The following HNRNPLL variants were observed in gnomAD, a reference collection of about 807,000 sequenced individuals.
HNRNPLL encodes the protein heterogeneous nuclear ribonucleoprotein L like, also known as heterogeneous nuclear ribonucleoprotein L-like.
Under a neutral mutation model 67.1 loss-of-function variants are expected in HNRNPLL, and 25 were observed. The observed-to-expected ratio is 0.37, with a 90% CI of 0.27 to 0.52. HNRNPLL has a LOEUF of 0.52. Ranked by LOEUF, HNRNPLL falls within the 20% of genes least tolerant of loss-of-function variation. The pLI, the probability that HNRNPLL is intolerant of heterozygous loss-of-function variation, is 0.90. For synonymous variants in HNRNPLL, 267 were observed against 241.7 expected (o/e 1.10, Z -0.97); for missense variants, 542 against 673.9 (o/e 0.80, Z 2.17).
At chr2:38,579,062 T>C (rs1464944960) in intron 6 of HNRNPLL, among the ~76,000 whole-genome samples, 1 of 152,030 alleles carries the variant, frequency 6.6e-6, no homozygotes, top group Non-Finnish European at 1.5e-5. Context: ...TAAATACAAA[T>C]CCTTATCTGA....
At chr2:38,600,227 T>C (rs766735483) in intron 1 of HNRNPLL, among the ~76,000 whole-genome samples, 1 of 152,174 alleles carries the variant, frequency 6.6e-6, no homozygotes. Flanking sequence ...CTAGGAAACA[T>C]ATCAGCAGTA....
rs147844686 is a variant in HNRNPLL at position 38,594,569 on chromosome 2, G to C, written c.190-2921C>G. 4.7e-4 allele frequency among the ~76,000 whole-genome samples: 72 copies of C among 152,260 alleles called. 3 individuals are homozygous for C. The East Asian group carries it at 0.014, about 29-fold the overall frequency. On this transcript the variant is annotated intron_variant, in intron 1 of 12. Coordinates refer to ENST00000449105, the MANE Select transcript of HNRNPLL (RefSeq NM_138394.4). ...TGCTGAATCTAAGTGAAGGATATAC[G>C]TTAAGTTGAACATTTTATATAATAA...
In HNRNPLL at chr2:38,602,715, G is replaced by A. The variant is rs1667503478; in HGVS notation, c.-89C>T. 1.4e-6 allele frequency: 2 copies of A among 1,435,020 alleles called. No homozygotes were observed. The highest frequency in any genetic ancestry group is 1.8e-6 in the Non-Finnish European group (2 of 1,097,302). The allele number at this position is 1,435,020 out of a possible 1,614,324, so 88.9% of individuals were successfully genotyped here. ...TGCCGCCGGCCAGTCCTCGCCGCCG[G>A]CAGCGCCTCTTCTGCGAGGGTCTCC... On this transcript the variant is annotated 5_prime_UTR_variant, in exon 1 of 13. Coordinates refer to ENST00000449105, the MANE Select transcript of HNRNPLL (RefSeq NM_138394.4).
rs1255268830 is a variant in HNRNPLL at position 38,563,894 on chromosome 2, T to G, written c.*288A>C. Reference sequence around the variant, plus strand: ...ATTAGCATTAAGAATGCAAATATATTTTTACTGTGGAAGAAAAATTCCAGT... The same window carrying G: ...ATTAGCATTAAGAATGCAAATATATGTTTACTGTGGAAGAAAAATTCCAGT... On this transcript the variant is annotated 3_prime_UTR_variant, in exon 13 of 13. Coordinates refer to ENST00000449105, the MANE Select transcript of HNRNPLL (RefSeq NM_138394.4). The G allele has an allele frequency of 3.8e-6, 1 of 261,074 alleles. No individual in the cohort carries two copies. The highest frequency in any genetic ancestry group is 2.2e-5 in the African/African-American group (1 of 44,892). 16.2% of individuals were successfully genotyped at this position (261,074 alleles called of 1,614,324 possible).
chr2:38,567,653 T>C (rs1417806738), intron 12 of HNRNPLL, among the ~76,000 whole-genome samples: 1 of 152,204 alleles, frequency 6.6e-6, no homozygotes, highest in Admixed American at 6.5e-5. Flanking sequence ...AGTCCCCTCC[T>C]ACACTCACTG....
chr2:38,584,047 A>G, intron 3 of HNRNPLL, 121 bp from the exon 4 acceptor site: 1 of 464,800 alleles, frequency 2.2e-6, no homozygotes. Flanking sequence ...ATTGATTAAT[A>G]AAATTAATTC....
chr2:38,588,217 T>C (rs1352097545), intron 2 of HNRNPLL, among the ~76,000 whole-genome samples: 1 of 152,178 alleles, frequency 6.6e-6, no homozygotes, highest in Non-Finnish European at 1.5e-5. Flanking sequence ...TTTATTGGCC[T>C]GTTATAGACT....
intron 2 of HNRNPLL, among the ~76,000 whole-genome samples, chr2:38,589,272 T>C (rs1033594638): frequency 6.6e-6 from 1 of 152,252 alleles, no homozygotes; most frequent in Non-Finnish European, 1.5e-5. Context: ...AGTTTTTATA[T>C]ATAAGCTTAC....
intron 2 of HNRNPLL, among the ~76,000 whole-genome samples, chr2:38,586,714 C>T (rs532098836): frequency 3.5e-4 from 53 of 152,258 alleles, no homozygotes; most frequent in African/African-American, 1.2e-3. Context: ...TCCTCCAAAA[C>T]ATTTTAATAC....
intron 1 of HNRNPLL, among the ~76,000 whole-genome samples, chr2:38,600,910 C>G (rs1667406453): frequency 6.6e-6 from 1 of 152,164 alleles, no homozygotes. Context: ...AATGCTTTAT[C>G]TGTTTTCAAA....
At position 38,600,468 on chromosome 2, in the gene HNRNPLL, T is replaced by A. The variant is rs139198125; in HGVS notation, c.189+1970A>T. Reference sequence around the variant, plus strand: ...AAGACCAGGTGCGGTGGCTCACGGCTGTAATCCCAGCACTTTGGGAGGCCA... The same window carrying A: ...AAGACCAGGTGCGGTGGCTCACGGCAGTAATCCCAGCACTTTGGGAGGCCA... On this transcript the variant is annotated intron_variant, in intron 1 of 12. Coordinates refer to ENST00000449105, the MANE Select transcript of HNRNPLL (RefSeq NM_138394.4). 3.1e-3 allele frequency among the ~76,000 whole-genome samples: 467 copies of A among 152,242 alleles called. 2 individuals carry two copies. Among genetic ancestry groups the A allele is most frequent in the Non-Finnish European group, 3.9e-3 (264 of 68,010 alleles).
At chr2:38,582,718 G>T (rs565548834) in intron 4 of HNRNPLL, among the ~76,000 whole-genome samples, 2 of 151,978 alleles carry the variant, frequency 1.3e-5, no homozygotes. Context: ...TCAGGAGTTC[G>T]AGACCAGCCT....
In HNRNPLL at chr2:38,581,722, TCAGTACATAC is replaced by T. The variant is rs1402773253; in HGVS notation, c.802+181_802+190del. 4.8e-5 allele frequency: 29 copies of T among 606,054 alleles called. No individual in the cohort carries two copies. In the East Asian group the frequency reaches 7.7e-4, roughly 16 times the overall value. The allele number at this position is 606,054 out of a possible 1,614,324, so 37.5% of individuals were successfully genotyped here. A position where few individuals can be genotyped will look rare whatever the true frequency, so the allele number is the denominator to read the frequency against. ...CCTTGTTGAACTAAATATAAATAGC[TCAGTACATAC>T]CAGTAGGGGGCACTAATGTTCAAGG... On this transcript the variant is annotated intron_variant, in intron 6 of 12. Coordinates refer to ENST00000449105, the MANE Select transcript of HNRNPLL (RefSeq NM_138394.4).
At chr2:38,568,343 C>A in intron 11 of HNRNPLL, 43 bp downstream of exon 11, 1 of 1,603,114 alleles carries the variant, frequency 6.2e-7, no homozygotes, top group African/African-American at 1.3e-5. Flanking sequence ...TTGCTTATCA[C>A]CAACTTAACC....
At position 38,602,546 on chromosome 2, in the gene HNRNPLL, G is replaced by T; in HGVS notation, c.81C>A (p.Thr27=). 6.4e-7 allele frequency: 1 copy of T among 1,562,976 alleles called. No individual in the cohort carries two copies. Among genetic ancestry groups the T allele is most frequent in the East Asian group, 2.4e-5 (1 of 42,498 alleles). Residue 27 remains threonine, a synonymous_variant, in exon 1 of 13, where the codon ACC becomes ACA. Coordinates refer to ENST00000449105, the MANE Select transcript of HNRNPLL (RefSeq NM_138394.4). The part of the protein sequence containing the change: ...EYESQAKRLK[T]EEGEIDYSAE... ...CCGAGTAGTCGATCTCCCCCTCCTC[G>T]GTCTTGAGACGCTTGGCCTGGCTCT... is the stretch of plus-strand genomic sequence containing the variant.
chr2:38,573,304 G>A lies in HNRNPLL; in HGVS notation c.998C>T (p.Ser333Phe). The A allele has an allele frequency of 1.2e-6, 2 of 1,612,352 alleles. No individual in the cohort carries two copies. The highest frequency in any genetic ancestry group is 1.7e-6 in the Non-Finnish European group (2 of 1,178,982). Residue 333 changes from serine to phenylalanine, a missense_variant, in exon 8 of 13, where the codon TCT (serine) becomes TTT (phenylalanine). Ser to Phe is a radical substitution (Grantham distance 155, BLOSUM62 -2). This residue lies in a region of HNRNPLL where 415 missense variants were observed against 575.2 expected (regional missense o/e 0.72). Transcript: ENST00000449105. The stretch of plus-strand genomic sequence containing the variant: ...TCCACTAACCATTACAACTGAACCA[G>A]AGGGATTTCCTCCATGCATGTAAGA... ...SSSYMHGGNPSGSVVMVSGLH... is the reference protein window; with the variant it reads ...SSSYMHGGNPFGSVVMVSGLH...
At position 38,564,058 on chromosome 2, in the gene HNRNPLL, AC is replaced by A. The variant is rs1386231336; in HGVS notation, c.*123del. On this transcript the variant is annotated 3_prime_UTR_variant, in exon 13 of 13. Transcript: ENST00000449105. ...TTACTCAAGGCAAAATATGTTTATT[AC>A]AGAACAGGATCTTAAAGTAAGCAAG... The A allele has an allele frequency of 1.5e-6, 1 of 687,710 alleles. No individual in the cohort carries two copies. Among genetic ancestry groups the A allele is most frequent in the African/African-American group, 1.8e-5 (1 of 55,210 alleles). The allele number at this position is 687,710 out of a possible 1,614,324, so 42.6% of individuals were successfully genotyped here.
chr2:38,590,102 C>A (rs935321910), intron 2 of HNRNPLL, among the ~76,000 whole-genome samples: 2 of 152,188 alleles, frequency 1.3e-5, no homozygotes, highest in Non-Finnish European at 2.9e-5. Context: ...ACACTTTCAA[C>A]ATACAAACTT....
intron 1 of HNRNPLL, among the ~76,000 whole-genome samples, chr2:38,598,503 C>T (rs1667301462): frequency 6.6e-6 from 1 of 152,202 alleles, no homozygotes; most frequent in Non-Finnish European, 1.5e-5. Context: ...GTTGCTGTGG[C>T]TGTAAGCCCT....
Sources: allele counts gnomAD v4.1 joint callset (sites outside exome capture counted in the v4.1 genomes callset), GRCh38; gene constraint gnomAD v4.1.1; regional missense constraint gnomAD v4.1.1; transcripts MANE v1.5; gene names NCBI Gene and HGNC (gene_info 2026-07-23, HGNC 2026-07-21).